SLC28A3: variants seen among roughly 807,000 people sequenced by gnomAD.
SLC28A3 encodes the protein solute carrier family 28 member 3, also known as concentrative Na(+)-nucleoside cotransporter 3.
A neutral mutation model predicts 84.2 loss-of-function variants in SLC28A3; 68 were observed. That is an observed-to-expected ratio of 0.81 (90% confidence interval 0.66 to 0.99). The LOEUF is 0.99. SLC28A3 is among the 50% of genes least tolerant of loss of function. The probability of loss-of-function intolerance (pLI) is 0.00; values close to 1 mark genes in which losing one functional copy is unlikely to be tolerated. For missense variants in SLC28A3, 712 were observed against 841.5 expected (o/e 0.85, Z 1.90); for synonymous variants, 267 against 303.6 (o/e 0.88, Z 1.25).
At chr9:84,313,864 A>T (rs1387270193) in intron 1 of SLC28A3, among the ~76,000 whole-genome samples, 3 of 138,428 alleles carry the variant, frequency 2.2e-5, no homozygotes, top group Non-Finnish European at 3.1e-5. Context: ...GCAAGACTCT[A>T]CCTGAAAAAA....
intron 10 of SLC28A3, among the ~76,000 whole-genome samples, chr9:84,290,711 T>C (rs1825179147): frequency 6.6e-6 from 1 of 152,182 alleles, no homozygotes; most frequent in Non-Finnish European, 1.5e-5. Flanking sequence ...ACTGACTCTA[T>C]GCAGTGGCCT....
chr9:84,294,275 C>A lies in SLC28A3; in HGVS notation c.862G>T (p.Val288Phe). 6.2e-7 allele frequency: 1 copy of A among 1,614,116 alleles called. No individual in the cohort carries two copies. Among genetic ancestry groups the A allele is most frequent in the Non-Finnish European group, 8.5e-7 (1 of 1,179,958 alleles). Residue 288 changes from valine to phenylalanine, a missense_variant and splice_region_variant, in exon 9 of 18, where the codon GTC becomes TTC. Transcript: ENST00000376238. The part of the protein sequence containing the change: ...KYKDHFFAFK[V>F]LPIVVFFSTV... Reference sequence around the variant, plus strand: ...CTGAAGAAAACCACGATCGGCAGGACCTGTGGGGACAGAAACAAACATGGA... The same window carrying A: ...CTGAAGAAAACCACGATCGGCAGGAACTGTGGGGACAGAAACAAACATGGA...
the SLC28A3 span, among the ~76,000 whole-genome samples, chr9:84,363,262 A>G: frequency 1.3e-5 from 2 of 152,202 alleles, no homozygotes; most frequent in Non-Finnish European, 2.9e-5. Context: ...ACAGGAGCTT[A>G]AAAGAGACTG....
At chr9:84,298,497 C>A (rs12002588) in intron 6 of SLC28A3, among the ~76,000 whole-genome samples, 1 of 149,512 alleles carries the variant, frequency 6.7e-6, no homozygotes, top group African/African-American at 2.6e-5. Context: ...AAGAAAAAAA[C>A]AAAAACAAAC....
At position 84,297,327 on chromosome 9, in the gene SLC28A3, A is replaced by T. The variant is rs11568380; in HGVS notation, c.784-29T>A. 13,456 of 1,567,362 alleles carry T rather than the reference A, an allele frequency of 8.6e-3. 119 individuals are homozygous for T. Among genetic ancestry groups the T allele is most frequent in the South Asian group, 0.028 (2,434 of 88,378 alleles). On this transcript the variant is annotated intron_variant, in intron 7 of 17. Transcript: ENST00000376238. ...AGTTAAAGAAAGAAAAAGAGATTTC[A>T]TTCCAACCACATGACTGGAAATTAG...
chr9:84,359,580 G>C, the SLC28A3 span, among the ~76,000 whole-genome samples: 8 of 152,246 alleles, frequency 5.3e-5, no homozygotes, highest in South Asian at 1.7e-3. Flanking sequence ...ATATTAGGGA[G>C]AAAGCATGCA....
the SLC28A3 span, among the ~76,000 whole-genome samples, chr9:84,363,570 A>G: frequency 6.6e-6 from 1 of 152,310 alleles, no homozygotes; most frequent in East Asian, 1.9e-4. Flanking sequence ...ATCCTGTCAC[A>G]TCCATATTAT....
chr9:84,351,344 G>A, the SLC28A3 span, among the ~76,000 whole-genome samples: 1 of 152,054 alleles, frequency 6.6e-6, no homozygotes, highest in East Asian at 1.9e-4. Flanking sequence ...GACTTTATTA[G>A]TATCTGCCTG....
chr9:84,348,061 G>T, the SLC28A3 span, among the ~76,000 whole-genome samples: 4 of 152,142 alleles, frequency 2.6e-5, no homozygotes, highest in Admixed American at 2.6e-4. Context: ...TGGACCAAGT[G>T]CAGGGTTGGC....
intron 3 of SLC28A3, 147 bp from the exon 4 acceptor site, chr9:84,305,492 A>AGTTT: frequency 1.4e-6 from 1 of 698,578 alleles, no homozygotes; most frequent in Non-Finnish European, 2.5e-6. Flanking sequence ...GAAATGGGAA[A>AGTTT]CTCATTTCAT....
At chr9:84,308,918 T>G (rs1825888941) in intron 3 of SLC28A3, among the ~76,000 whole-genome samples, 1 of 152,246 alleles carries the variant, frequency 6.6e-6, no homozygotes, top group Non-Finnish European at 1.5e-5. Flanking sequence ...TATTACAAGG[T>G]AAGAGAAACC....
the SLC28A3 span, among the ~76,000 whole-genome samples, chr9:84,362,789 C>T: frequency 3.9e-5 from 6 of 152,008 alleles, no homozygotes; most frequent in East Asian, 5.8e-4. Flanking sequence ...CAGAATGATG[C>T]TTTTAAGTGC....
chr9:84,356,029 G>A, the SLC28A3 span, among the ~76,000 whole-genome samples: 1 of 151,970 alleles, frequency 6.6e-6, no homozygotes, highest in Non-Finnish European at 1.5e-5. Context: ...ATATTGTCCA[G>A]GCTGGTCTCA....
chr9:84,286,216 T>A, intron 12 of SLC28A3, 105 bp from the exon 13 acceptor site: 1 of 1,096,548 alleles, frequency 9.1e-7, no homozygotes, highest in Non-Finnish European at 1.3e-6. Flanking sequence ...AGACAAACTC[T>A]AAGGCCCCTG....
intron 14 of SLC28A3, among the ~76,000 whole-genome samples, chr9:84,282,647 A>AT (rs1271881178): frequency 3.3e-5 from 5 of 152,174 alleles, no homozygotes; most frequent in Non-Finnish European, 7.4e-5. Flanking sequence ...AGGCCAGACA[A>AT]TTTTTCCTCA....
chr9:84,333,312 CA>C (rs1422491394), intron 1 of SLC28A3, among the ~76,000 whole-genome samples: 7 of 152,040 alleles, frequency 4.6e-5, no homozygotes, highest in Admixed American at 4.6e-4. Context: ...TCCTTGTGGG[CA>C]AAACATGGGG....
chr9:84,304,463 A>AC lies in SLC28A3; in HGVS notation c.334+790_334+791insG, dbSNP rs1190288029. Among the ~76,000 whole-genome samples the AC allele has an allele frequency of 1.1e-4, 7 of 66,570 alleles. No homozygotes were observed. The African/African-American group carries it at 1.4e-3, about 14-fold the overall frequency. 43.7% of individuals were successfully genotyped at this position (66,570 alleles called of 152,430 possible). A position where few individuals can be genotyped will look rare whatever the true frequency, so the allele number is the denominator to read the frequency against. On this transcript the variant is annotated intron_variant, in intron 4 of 17. Coordinates refer to ENST00000376238, the MANE Select transcript of SLC28A3 (RefSeq NM_001199633.2). ...AAAAACAAAAAATAACAGTACAACA[A>AC]AAAAAAAAAACAAAAACAAACCAAA...
In SLC28A3 at chr9:84,290,300, C is replaced by A. The variant is rs1022686915; in HGVS notation, c.1024-21G>T. On this transcript the variant is annotated intron_variant, in intron 10 of 17. Coordinates refer to ENST00000376238, the MANE Select transcript of SLC28A3 (RefSeq NM_001199633.2). ...TCCGTCTGGAGACAAAGAAGGGTGA[C>A]CAGATTCCTTTTTAAATCTGTGTGG... 2.5e-6 allele frequency: 4 copies of A among 1,612,430 alleles called. No homozygotes were observed. In the African/African-American group the frequency reaches 4.0e-5, roughly 16 times the overall value.
At chr9:84,350,465 A>G in the SLC28A3 span, among the ~76,000 whole-genome samples, 2 of 151,966 alleles carry the variant, frequency 1.3e-5, no homozygotes, top group African/African-American at 4.8e-5. Flanking sequence ...TAAATAAATA[A>G]ATAGGTATAA....
Sources: allele counts gnomAD v4.1 joint callset (sites outside exome capture counted in the v4.1 genomes callset), GRCh38; gene constraint gnomAD v4.1.1; transcripts MANE v1.5; gene names NCBI Gene and HGNC (gene_info 2026-07-23, HGNC 2026-07-21).